Variants in ARHGAP6 observed in about 807,000 individuals in gnomAD.
The protein encoded by ARHGAP6 is Rho GTPase activating protein 6, also known as rho GTPase-activating protein 6.
A neutral mutation model predicts 55.7 loss-of-function variants in ARHGAP6; 16 were observed. That is an observed-to-expected ratio of 0.29 (90% CI 0.19 to 0.44). ARHGAP6 has a LOEUF of 0.44. ARHGAP6 is among the 20% of genes least tolerant of loss of function. The probability of loss-of-function intolerance (pLI) is 1.00; values close to 1 mark genes in which losing one functional copy is unlikely to be tolerated. For missense variants in ARHGAP6, 698 were observed against 808.9 expected (o/e 0.86, Z 1.66); for synonymous variants, 382 against 360.9 (o/e 1.06, Z -0.66).
intron 1 of ARHGAP6, among the ~76,000 whole-genome samples, chrX:11,368,404 T>C (rs1457302697): frequency 8.9e-6 from 1 of 112,205 alleles, no homozygotes; most frequent in Non-Finnish European, 1.9e-5. Flanking sequence ...ACATGTGTTC[T>C]AATTTTCATT....
chrX:11,608,154 C>T (rs1314235754), intron 1 of ARHGAP6, among the ~76,000 whole-genome samples: 3 of 111,294 alleles, frequency 2.7e-5, no homozygotes, highest in Non-Finnish European at 5.7e-5. Flanking sequence ...GAGTAAGTAA[C>T]CCTAAGGTAA....
At chrX:11,281,254 C>A (rs1347218394) in intron 1 of ARHGAP6, among the ~76,000 whole-genome samples, 4 of 110,697 alleles carry the variant, frequency 3.6e-5, no homozygotes, top group Non-Finnish European at 5.7e-5. Context: ...ATAGGGGTTA[C>A]CTTTGGGGAG....
At chrX:11,279,338 T>G (rs1364028206) in intron 1 of ARHGAP6, among the ~76,000 whole-genome samples, 1 of 112,252 alleles carries the variant, frequency 8.9e-6, no homozygotes, top group East Asian at 2.8e-4. Flanking sequence ...ATTGAAAGTT[T>G]AATAACTTCA....
chrX:11,600,247 G>A (rs1429929589), intron 1 of ARHGAP6, among the ~76,000 whole-genome samples: 1 of 111,769 alleles, frequency 8.9e-6, no homozygotes, highest in East Asian at 2.8e-4. Context: ...TTTTGACTAT[G>A]TAAGAATCCC....
At chrX:11,647,473 C>T (rs2052542106) in intron 1 of ARHGAP6, among the ~76,000 whole-genome samples, 1 of 112,095 alleles carries the variant, frequency 8.9e-6, no homozygotes, top group Non-Finnish European at 1.9e-5. Context: ...AAAGCAATAG[C>T]CTGCCAGAGA....
At chrX:11,618,680 T>C (rs1030236764) in intron 1 of ARHGAP6, among the ~76,000 whole-genome samples, 11 of 112,345 alleles carry the variant, frequency 9.8e-5, no homozygotes, top group African/African-American at 3.6e-4. Flanking sequence ...AAAAATTCAA[T>C]TGTCCTATAT....
chrX:11,643,417 C>T (rs1329944114), intron 1 of ARHGAP6, among the ~76,000 whole-genome samples: 1 of 112,070 alleles, frequency 8.9e-6, no homozygotes, highest in East Asian at 2.8e-4. Flanking sequence ...TAATCACTCC[C>T]TCTTCTTTGT....
intron 1 of ARHGAP6, among the ~76,000 whole-genome samples, chrX:11,386,585 T>G (rs2049330896): frequency 1.8e-5 from 2 of 111,411 alleles, no homozygotes; most frequent in South Asian, 7.6e-4. Flanking sequence ...GTGTCACATT[T>G]AAACGCTTAG....
chrX:11,167,009 A>C (rs2046026186), intron 9 of ARHGAP6, among the ~76,000 whole-genome samples: 1 of 112,061 alleles, frequency 8.9e-6, no homozygotes, highest in African/African-American at 3.2e-5. Flanking sequence ...ACTTACTCCA[A>C]GAAAGGTATC....
intron 1 of ARHGAP6, among the ~76,000 whole-genome samples, chrX:11,315,254 C>T (rs1762435212): frequency 8.9e-6 from 1 of 112,237 alleles, no homozygotes; most frequent in African/African-American, 3.2e-5. Flanking sequence ...GACAGTGCGG[C>T]GGGGATGGTT....
At chrX:11,502,252 T>C (rs113059366) in intron 1 of ARHGAP6, among the ~76,000 whole-genome samples, 10,336 of 112,208 alleles carry the variant, frequency 0.092, 547 homozygotes, top group African/African-American at 0.19. Context: ...ATATATAACA[T>C]GTGATTACAT....
At chrX:11,217,621 T>A (rs1187256701) in intron 2 of ARHGAP6, among the ~76,000 whole-genome samples, 2 of 112,011 alleles carry the variant, frequency 1.8e-5, no homozygotes, top group African/African-American at 6.5e-5. Flanking sequence ...AGCCTTTTGT[T>A]AGATGGATAG....
chrX:11,465,934 CTCCTCCTCT>C (rs976430937), intron 1 of ARHGAP6, among the ~76,000 whole-genome samples: 1 of 90,023 alleles, frequency 1.1e-5, no homozygotes, highest in African/African-American at 4.7e-5. Context: ...TCTCCTCCTC[CTCCTCCTCT>C]TCCTCCTCCT....
intron 1 of ARHGAP6, among the ~76,000 whole-genome samples, chrX:11,290,112 C>G (rs993335478): frequency 3.6e-5 from 4 of 112,074 alleles, no homozygotes; most frequent in African/African-American, 9.7e-5. Context: ...TTTACAGCAT[C>G]TCCCTTTTCA....
At chrX:11,207,511 AT>A (rs2046723541) in intron 2 of ARHGAP6, among the ~76,000 whole-genome samples, 1 of 111,941 alleles carries the variant, frequency 8.9e-6, no homozygotes, top group South Asian at 3.7e-4. Flanking sequence ...CCCTTTAGAC[AT>A]TATTATGTTA....
intron 1 of ARHGAP6, among the ~76,000 whole-genome samples, chrX:11,567,334 A>G (rs768826178): frequency 1.8e-5 from 2 of 109,654 alleles, no homozygotes; most frequent in East Asian, 5.7e-4. Context: ...GATCAATCCT[A>G]CTAGGTAATA....
Position 11,220,241 on chromosome X carries a change from G to A in ARHGAP6, c.749-23245C>T, listed in dbSNP as rs1401480395. ...TCTGAGGGCTCTGTTCTGTTCCATT[G>A]GTCTATATCTCTGTTTTGGTACCAG... On this transcript the variant is annotated intron_variant, in intron 2 of 12. Transcript: ENST00000337414. Among the ~76,000 whole-genome samples, 3 of 111,142 alleles carry A rather than the reference G, an allele frequency of 2.7e-5. No individual in the cohort carries two copies. The East Asian group carries it at 8.5e-4, about 31-fold the overall frequency.
chrX:11,198,966 T>C (rs1402375993), intron 2 of ARHGAP6, among the ~76,000 whole-genome samples: 1 of 112,456 alleles, frequency 8.9e-6, no homozygotes, highest in Non-Finnish European at 1.9e-5. Flanking sequence ...AGTTTTACCA[T>C]CTGTTCATGC....
rs775229476 is a variant in ARHGAP6, at chrX:11,614,536, A to G, written c.588+49705T>C. 2.7e-5 allele frequency among the ~76,000 whole-genome samples: 3 copies of G among 111,826 alleles called. No homozygotes were observed. In the Admixed American group the frequency reaches 2.8e-4, roughly 11 times the overall value. ...ACTGTCATGAGAACAGCAAGGGGGA[A>G]ATCTGCCCCCATGATCCAATCGCTT... is the stretch of plus-strand genomic sequence containing the variant. On this transcript the variant is annotated intron_variant, in intron 1 of 12. Coordinates refer to ENST00000337414, the MANE Select transcript of ARHGAP6 (RefSeq NM_013427.3).
Sources: allele counts gnomAD v4.1 joint callset (sites outside exome capture counted in the v4.1 genomes callset), GRCh38; gene constraint gnomAD v4.1.1; transcripts MANE v1.5; gene names NCBI Gene and HGNC (gene_info 2026-07-23, HGNC 2026-07-21).